Variants in IQCM observed in about 807,000 individuals in gnomAD.
The protein encoded by IQCM is IQ domain-containing protein M.
In IQCM, 45 loss-of-function variants were observed where a neutral mutation model predicts 57.6. The ratio of observed to expected loss-of-function variants is 0.78; its 90% confidence interval spans 0.62 to 1.00. The LOEUF is 1.00. Ranked by LOEUF, IQCM falls within the 50% of genes least tolerant of loss-of-function variation. The pLI is 0.00. For synonymous variants in IQCM, 148 were observed against 158.9 expected (o/e 0.93, Z 0.51); for missense variants, 468 against 511.6 (o/e 0.91, Z 0.82).
chr4:149,640,930 G>A (rs1464503582), intron 7 of IQCM, among the ~76,000 whole-genome samples: 1 of 152,106 alleles, frequency 6.6e-6, no homozygotes, highest in East Asian at 1.9e-4. Context: ...AGGAGTTCAA[G>A]ACCAGTCTGG....
chr4:149,631,985 A>T (rs964667989), intron 7 of IQCM, among the ~76,000 whole-genome samples: 3 of 152,226 alleles, frequency 2.0e-5, no homozygotes, highest in African/African-American at 7.2e-5. Context: ...TCTACACCAC[A>T]TAGAAATAAT....
At chr4:149,811,212 A>G (rs1580356481) in intron 2 of IQCM, among the ~76,000 whole-genome samples, 1 of 152,294 alleles carries the variant, frequency 6.6e-6, no homozygotes, top group Admixed American at 6.5e-5. Flanking sequence ...GCCATGTACC[A>G]AAAGCACATG....
chr4:149,664,846 A>G (rs1760563598), intron 7 of IQCM, among the ~76,000 whole-genome samples: 2 of 152,098 alleles, frequency 1.3e-5, no homozygotes, highest in Non-Finnish European at 2.9e-5. Context: ...TCTGGTTTTC[A>G]AGCTGGACAT....
intron 2 of IQCM, among the ~76,000 whole-genome samples, chr4:149,767,196 CA>C (rs1261074940): frequency 6.6e-6 from 1 of 151,278 alleles, no homozygotes; most frequent in Non-Finnish European, 1.5e-5. Flanking sequence ...TTTCATTAAC[CA>C]AAATTATCTA....
chr4:149,602,657 T>G lies in IQCM; in HGVS notation c.682-14660A>C, dbSNP rs556799162. 1.8e-4 allele frequency among the ~76,000 whole-genome samples: 27 copies of G among 152,254 alleles called. No individual in the cohort carries two copies. In the East Asian group the frequency reaches 4.8e-3, roughly 27 times the overall value. ...GTAATATTTCATGTTGTATAGATTT[T>G]TATAAGGTATCATAAATTATTCATG... On this transcript the variant is annotated intron_variant, in intron 8 of 13. Coordinates refer to ENST00000636793, the MANE Select transcript of IQCM (RefSeq NM_001363507.2).
intron 8 of IQCM, among the ~76,000 whole-genome samples, chr4:149,589,103 G>T (rs758072585): frequency 2.6e-5 from 4 of 151,958 alleles, no homozygotes; most frequent in Non-Finnish European, 5.9e-5. Context: ...AAAATTGATA[G>T]CTAGAGGCAC....
chr4:149,435,211 T>C (rs1217469760), intron 12 of IQCM, among the ~76,000 whole-genome samples: 2 of 152,296 alleles, frequency 1.3e-5, no homozygotes, highest in East Asian at 1.9e-4. Context: ...AATTACTATG[T>C]TGTTTCTATC....
intron 2 of IQCM, among the ~76,000 whole-genome samples, chr4:149,780,625 G>T (rs1370321234): frequency 6.6e-6 from 1 of 151,786 alleles, no homozygotes; most frequent in Non-Finnish European, 1.5e-5. Flanking sequence ...AACAAGAAAG[G>T]CTTATTGTAC....
rs142116563 is a variant in IQCM, at chr4:149,686,769, A to G, written c.386-301T>C. On this transcript the variant is annotated intron_variant, in intron 5 of 13. Transcript: ENST00000636793. ...CAGCATAGCATATACCGATGAATAC[A>G]AACAGCCTCATTTATACATATCAGT... is the stretch of plus-strand genomic sequence containing the variant. Among the ~76,000 whole-genome samples, 850 of 151,688 alleles carry G rather than the reference A, an allele frequency of 5.6e-3. 7 individuals carry two copies. The highest frequency in any genetic ancestry group is 0.019 in the African/African-American group (788 of 41,510).
intron 9 of IQCM, among the ~76,000 whole-genome samples, chr4:149,587,336 G>A (rs76967776): frequency 0.022 from 3,397 of 151,760 alleles, 101 homozygotes; most frequent in South Asian, 0.15. Context: ...ATTAATAAAT[G>A]AATGTATTCC....
chr4:149,639,862 G>T (rs1186891372), intron 7 of IQCM, among the ~76,000 whole-genome samples: 1 of 152,124 alleles, frequency 6.6e-6, no homozygotes, highest in Non-Finnish European at 1.5e-5. Flanking sequence ...CAGCGAGGTG[G>T]AGGTTGCATT....
intron 13 of IQCM, among the ~76,000 whole-genome samples, chr4:149,424,559 C>T (rs542440192): frequency 6.6e-6 from 1 of 151,794 alleles, no homozygotes; most frequent in African/African-American, 2.4e-5. Flanking sequence ...ACTGGATTCA[C>T]AAAATCTAGA....
chr4:149,490,363 T>C (rs1193241748), intron 12 of IQCM, among the ~76,000 whole-genome samples: 1 of 152,036 alleles, frequency 6.6e-6, no homozygotes, highest in Non-Finnish European at 1.5e-5. Flanking sequence ...CAATGGGATA[T>C]GCTTAAACCT....
intron 2 of IQCM, among the ~76,000 whole-genome samples, chr4:149,808,086 G>A (rs1486473638): frequency 3.3e-5 from 5 of 152,076 alleles, no homozygotes; most frequent in Non-Finnish European, 7.4e-5. Flanking sequence ...CAAAAGAAAG[G>A]AAATTGGTAT....
intron 8 of IQCM, among the ~76,000 whole-genome samples, chr4:149,588,439 T>C (rs1265829410): frequency 6.6e-6 from 1 of 151,912 alleles, no homozygotes; most frequent in African/African-American, 2.4e-5. Context: ...AATTTGGCTC[T>C]CAAAAACCTA....
chr4:149,687,644 C>T (rs757252894), intron 5 of IQCM, among the ~76,000 whole-genome samples: 13 of 151,342 alleles, frequency 8.6e-5, no homozygotes, highest in Non-Finnish European at 1.8e-4. Context: ...AAGGACATAA[C>T]TAAAAAGAAA....
At chr4:149,633,905 C>G (rs1472493284) in intron 7 of IQCM, among the ~76,000 whole-genome samples, 2 of 152,154 alleles carry the variant, frequency 1.3e-5, no homozygotes, top group Non-Finnish European at 2.9e-5. Context: ...CATTTGAATT[C>G]AAAGGAATGT....
intron 5 of IQCM, among the ~76,000 whole-genome samples, chr4:149,702,306 A>ACG (rs1763831956): frequency 6.6e-6 from 1 of 150,692 alleles, no homozygotes; most frequent in African/African-American, 2.4e-5. Flanking sequence ...CACTTCACAC[A>ACG]CACACACACA....
chr4:149,367,730 C>T (rs1184016333), intron 13 of IQCM, among the ~76,000 whole-genome samples: 1 of 151,994 alleles, frequency 6.6e-6, no homozygotes, highest in Non-Finnish European at 1.5e-5. Context: ...TGCTAAGTTG[C>T]TATCTAAAAC....
Sources: gnomAD v4.1 joint callset for allele counts (sites outside exome capture counted in the v4.1 genomes callset) on GRCh38, gnomAD v4.1.1 for gene constraint, MANE v1.5 for transcripts, NCBI Gene and HGNC (gene_info 2026-07-23, HGNC 2026-07-21) for gene names.